Variants in KCNAB1 observed in about 807,000 individuals in gnomAD.
The protein encoded by KCNAB1 is potassium voltage-gated channel subfamily A regulatory beta subunit 1.
Under a neutral mutation model 64.6 loss-of-function variants are expected in KCNAB1, and 35 were observed. The ratio of observed to expected loss-of-function variants is 0.54; its 90% CI spans 0.41 to 0.72. KCNAB1 has a LOEUF of 0.72. Among genes scored for constraint, KCNAB1 ranks in the 30% least tolerant of loss-of-function variants. KCNAB1 has a pLI of 0.00. For synonymous variants in KCNAB1, 177 were observed against 183.8 expected, an observed-to-expected ratio of 0.96 and a Z score of 0.30; for missense variants, 401 against 512.9, an observed-to-expected ratio of 0.78 and a Z score of 2.11.
intron 1 of KCNAB1, among the ~76,000 whole-genome samples, chr3:156,302,310 C>T (rs1264650706): frequency 2.0e-5 from 3 of 152,112 alleles, no homozygotes; most frequent in Admixed American, 2.0e-4. Flanking sequence ...TCCCTTTTAC[C>T]ATAGAAGGTA....
intron 8 of KCNAB1, among the ~76,000 whole-genome samples, chr3:156,478,956 G>C (rs1714584255): frequency 6.6e-6 from 1 of 152,010 alleles, no homozygotes; most frequent in African/African-American, 2.4e-5. Context: ...TTCGCAATCT[G>C]CAACCCCATG....
chr3:156,470,020 T>C (rs746709168), intron 7 of KCNAB1, among the ~76,000 whole-genome samples: 3 of 152,214 alleles, frequency 2.0e-5, no homozygotes, highest in African/African-American at 4.8e-5. Context: ...AAAGTTCAAA[T>C]TGATACAGAG....
chr3:156,368,711 G>A (rs936134083), intron 1 of KCNAB1, among the ~76,000 whole-genome samples: 3 of 152,170 alleles, frequency 2.0e-5, no homozygotes, highest in African/African-American at 7.2e-5. Context: ...TAGTACCAGA[G>A]ATGATATATA....
chr3:156,300,092 A>G (rs1721051705), intron 1 of KCNAB1, among the ~76,000 whole-genome samples: 1 of 152,234 alleles, frequency 6.6e-6, no homozygotes, highest in South Asian at 2.1e-4. Flanking sequence ...TGTGGCATAC[A>G]GAGGACTCCC....
At chr3:156,140,643 G>A (rs1290413644) in intron 1 of KCNAB1, among the ~76,000 whole-genome samples, 3 of 152,030 alleles carry the variant, frequency 2.0e-5, no homozygotes, top group Non-Finnish European at 2.9e-5. Context: ...CAAACATTCA[G>A]TACATAACAC....
At chr3:156,247,041 C>T (rs1246653400) in intron 1 of KCNAB1, among the ~76,000 whole-genome samples, 3 of 152,142 alleles carry the variant, frequency 2.0e-5, no homozygotes, top group Non-Finnish European at 4.4e-5. Flanking sequence ...ACCATTTATT[C>T]TTGCTCATGA....
rs1474674652 is a variant in KCNAB1, at chr3:156,127,972, A to C, written c.275+7086A>C. Among the ~76,000 whole-genome samples, 4 of 151,892 alleles carry C rather than the reference A, an allele frequency of 2.6e-5. No homozygotes were observed. The East Asian group carries it at 7.8e-4, about 30-fold the overall frequency. ...GAATAACTGTGGACACCTGGAAGGC[A>C]GTGCCTCTATCTCAGTCTTCTGACT... On this transcript the variant is annotated intron_variant, in intron 1 of 13. Transcript: ENST00000490337.
chr3:156,291,621 C>G, intron 1 of KCNAB1: 1 of 1,313,324 alleles, frequency 7.6e-7, no homozygotes, highest in Non-Finnish European at 9.8e-7. Context: ...AGATTACAGC[C>G]CGGGAAGATT....
intron 1 of KCNAB1, among the ~76,000 whole-genome samples, chr3:156,169,664 C>T (rs1026855154): frequency 2.1e-4 from 32 of 152,244 alleles, no homozygotes; most frequent in Middle Eastern, 3.4e-3. Flanking sequence ...CAGCACCGTC[C>T]CTCTAGTGCT....
intron 1 of KCNAB1, among the ~76,000 whole-genome samples, chr3:156,346,407 T>C (rs1724483951): frequency 6.6e-6 from 1 of 152,122 alleles, no homozygotes; most frequent in South Asian, 2.1e-4. Context: ...ATGACAAGTA[T>C]GGTAAAATGA....
chr3:156,434,487 A>C (rs377017178), intron 2 of KCNAB1, among the ~76,000 whole-genome samples: 1 of 152,340 alleles, frequency 6.6e-6, no homozygotes, highest in African/African-American at 2.4e-5. Flanking sequence ...GGTAGAGAAA[A>C]TACAAAAGGA....
At chr3:156,332,060 T>C (rs1054954616) in intron 1 of KCNAB1, among the ~76,000 whole-genome samples, 1 of 152,198 alleles carries the variant, frequency 6.6e-6, no homozygotes, top group African/African-American at 2.4e-5. Flanking sequence ...GAATATCTGC[T>C]ATAACTTGAT....
At chr3:156,414,687 G>A (rs1302144117) in intron 1 of KCNAB1, among the ~76,000 whole-genome samples, 1 of 152,168 alleles carries the variant, frequency 6.6e-6, no homozygotes, top group Non-Finnish European at 1.5e-5. Flanking sequence ...CAGATTATAT[G>A]CCCTTGAGAC....
chr3:156,218,807 T>TAATAAA (rs1560142190), intron 1 of KCNAB1, among the ~76,000 whole-genome samples: 1 of 130,584 alleles, frequency 7.7e-6, no homozygotes, highest in African/African-American at 2.9e-5. Context: ...AAAAAAATAA[T>TAATAAA]AATAAAATAA....
At chr3:156,186,933 C>T (rs1713239521) in intron 1 of KCNAB1, among the ~76,000 whole-genome samples, 1 of 151,696 alleles carries the variant, frequency 6.6e-6, no homozygotes, top group Admixed American at 6.6e-5. Flanking sequence ...CTCACTGTAG[C>T]CTCTACCTCC....
chr3:156,330,652 A>G (rs1723273095), intron 1 of KCNAB1, among the ~76,000 whole-genome samples: 1 of 152,124 alleles, frequency 6.6e-6, no homozygotes, highest in Non-Finnish European at 1.5e-5. Context: ...ACCTATCCCA[A>G]GCAGTGACCA....
intron 1 of KCNAB1, chr3:156,142,869 T>G: frequency 2.0e-6 from 1 of 507,556 alleles, no homozygotes; most frequent in Non-Finnish European, 2.6e-6. Flanking sequence ...TTCCCATATT[T>G]TTTTTCCCCA....
chr3:156,123,083 G>T (rs1245657530), intron 1 of KCNAB1, among the ~76,000 whole-genome samples: 1 of 152,106 alleles, frequency 6.6e-6, no homozygotes, highest in Non-Finnish European at 1.5e-5. Flanking sequence ...AATTTTCTTG[G>T]ACTTCCAATT....
At chr3:156,123,985 A>T (rs1390153020) in intron 1 of KCNAB1, among the ~76,000 whole-genome samples, 1 of 152,194 alleles carries the variant, frequency 6.6e-6, no homozygotes, top group Non-Finnish European at 1.5e-5. Flanking sequence ...TAAAAGTCAG[A>T]ATATGATCAT....
Sources: gnomAD v4.1 joint callset for allele counts (sites outside exome capture counted in the v4.1 genomes callset) on GRCh38, gnomAD v4.1.1 for gene constraint, MANE v1.5 for transcripts, NCBI Gene and HGNC (gene_info 2026-07-23, HGNC 2026-07-21) for gene names.